Variants in SLC35F3 observed in about 807,000 individuals in gnomAD.
SLC35F3 encodes solute carrier family 35 member F3, also known as putative thiamine transporter SLC35F3.
SLC35F3 carries 25 observed loss-of-function variants against 49.9 expected under a neutral mutation model. That is an observed-to-expected ratio of 0.50 (90% CI 0.37 to 0.70). The LOEUF (loss-of-function observed/expected upper bound fraction) is 0.70, where lower values mean the gene tolerates loss of function less well. Ranked by LOEUF, SLC35F3 falls within the 30% of genes least tolerant of loss-of-function variation. The pLI is 0.00. For missense variants in SLC35F3, 525 were observed against 639.8 expected (o/e 0.82, Z 1.94); for synonymous variants, 275 against 265.4 (o/e 1.04, Z -0.35).
chr1:234,050,819 G>T (rs1331973627), intron 2 of SLC35F3, among the ~76,000 whole-genome samples: 1 of 152,184 alleles, frequency 6.6e-6, no homozygotes, highest in Non-Finnish European at 1.5e-5. Flanking sequence ...TTTGGATAAG[G>T]TGTAAGGAAG....
At chr1:234,087,103 C>A (rs1664972959) in intron 2 of SLC35F3, among the ~76,000 whole-genome samples, 1 of 152,222 alleles carries the variant, frequency 6.6e-6, no homozygotes, top group Non-Finnish European at 1.5e-5. Context: ...AGTGTCTCTC[C>A]TTTTCTGCCT....
At chr1:234,003,151 A>G (rs1040833341) in intron 2 of SLC35F3, among the ~76,000 whole-genome samples, 4 of 147,992 alleles carry the variant, frequency 2.7e-5, no homozygotes, top group African/African-American at 9.8e-5. Flanking sequence ...GTTGGAAACC[A>G]AGATCTGTGT....
intron 2 of SLC35F3, among the ~76,000 whole-genome samples, chr1:234,035,390 T>A (rs937658163): frequency 2.0e-5 from 3 of 150,346 alleles, no homozygotes; most frequent in Non-Finnish European, 4.4e-5. Flanking sequence ...AATATACCTT[T>A]AAAAAAAAAA....
chr1:234,161,674 C>T (rs1469827354), intron 2 of SLC35F3, among the ~76,000 whole-genome samples: 4 of 152,090 alleles, frequency 2.6e-5, no homozygotes, highest in African/African-American at 9.7e-5. Flanking sequence ...GGTGTGGTGG[C>T]ATGCACCTGT....
At chr1:234,054,777 T>C (rs1272107057) in intron 2 of SLC35F3, among the ~76,000 whole-genome samples, 1 of 152,236 alleles carries the variant, frequency 6.6e-6, no homozygotes, top group Non-Finnish European at 1.5e-5. Context: ...TTTGTGGTTT[T>C]ATGTACCTTT....
intron 2 of SLC35F3, among the ~76,000 whole-genome samples, chr1:234,141,316 G>A (rs1003349136): frequency 6.6e-6 from 1 of 152,130 alleles, no homozygotes; most frequent in South Asian, 2.1e-4. Context: ...GGTGCATGTG[G>A]AGACCCGGGC....
chr1:234,257,638 G>A (rs1283770045), intron 3 of SLC35F3, among the ~76,000 whole-genome samples: 1 of 152,174 alleles, frequency 6.6e-6, no homozygotes, highest in Non-Finnish European at 1.5e-5. Flanking sequence ...TTATGTTAGG[G>A]TGAATTTTGC....
chr1:234,260,802 G>A (rs946839084), intron 3 of SLC35F3, among the ~76,000 whole-genome samples: 2 of 152,082 alleles, frequency 1.3e-5, no homozygotes, highest in Admixed American at 6.5e-5. Flanking sequence ...AGTGCCTCAC[G>A]TCTCCCTCCA....
intron 2 of SLC35F3, among the ~76,000 whole-genome samples, chr1:233,946,254 G>A (rs1662511855): frequency 6.6e-6 from 1 of 152,190 alleles, no homozygotes; most frequent in African/African-American, 2.4e-5. Flanking sequence ...AGCATCTACT[G>A]AAGCAAAGAT....
intron 2 of SLC35F3, among the ~76,000 whole-genome samples, chr1:234,055,255 A>G (rs1053423337): frequency 1.6e-4 from 25 of 152,110 alleles, no homozygotes; most frequent in Non-Finnish European, 3.2e-4. Context: ...TACAGAGTCT[A>G]TAGAGTCTAC....
intron 2 of SLC35F3, among the ~76,000 whole-genome samples, chr1:234,054,747 T>C (rs1430118263): frequency 6.6e-6 from 1 of 152,254 alleles, no homozygotes; most frequent in Non-Finnish European, 1.5e-5. Flanking sequence ...TCAGCTTTTC[T>C]GCTCTGGTTT....
intron 2 of SLC35F3, among the ~76,000 whole-genome samples, chr1:234,087,474 C>A (rs954770361): frequency 6.6e-6 from 1 of 152,166 alleles, no homozygotes; most frequent in Non-Finnish European, 1.5e-5. Flanking sequence ...TTCTGCCTAA[C>A]GACACCCAAT....
intron 2 of SLC35F3, among the ~76,000 whole-genome samples, chr1:233,938,474 G>A (rs1662368392): frequency 6.6e-6 from 1 of 152,192 alleles, no homozygotes. Context: ...GTACACAGTG[G>A]AAATTTCCCT....
intron 2 of SLC35F3, among the ~76,000 whole-genome samples, chr1:233,926,312 C>A (rs566175124): frequency 1.6e-4 from 24 of 152,266 alleles, no homozygotes; most frequent in African/African-American, 5.3e-4. Context: ...TCTCATATTT[C>A]TTGGCGGCTT....
At chr1:233,931,895 A>C (rs1175341598) in intron 2 of SLC35F3, among the ~76,000 whole-genome samples, 1 of 152,206 alleles carries the variant, frequency 6.6e-6, no homozygotes, top group African/African-American at 2.4e-5. Context: ...AACCAACCCA[A>C]ATGTCCATCA....
intron 2 of SLC35F3, among the ~76,000 whole-genome samples, chr1:233,988,580 C>T (rs1663303430): frequency 1.3e-5 from 2 of 152,120 alleles, no homozygotes; most frequent in South Asian, 2.1e-4. Context: ...GTCTTAATTC[C>T]CACCCTCCAC....
chr1:234,319,348 A>G (rs778921907), intron 6 of SLC35F3, among the ~76,000 whole-genome samples: 1 of 152,206 alleles, frequency 6.6e-6, no homozygotes, highest in Non-Finnish European at 1.5e-5. Context: ...ATTACTTGAT[A>G]TAAGTCTAGA....
intron 3 of SLC35F3, among the ~76,000 whole-genome samples, chr1:234,305,408 G>T: frequency 7.4e-6 from 1 of 135,296 alleles, no homozygotes. Flanking sequence ...TTTTGAGACA[G>T]AGTCTTGCTC....
intron 3 of SLC35F3, among the ~76,000 whole-genome samples, chr1:234,245,852 C>T (rs772081332): frequency 7.9e-5 from 12 of 152,330 alleles, no homozygotes; most frequent in Non-Finnish European, 1.8e-4. Flanking sequence ...CTCAGAGCCC[C>T]AGAGGGATCA....
Sources: allele counts gnomAD v4.1 joint callset (sites outside exome capture counted in the v4.1 genomes callset), GRCh38; gene constraint gnomAD v4.1.1; transcripts MANE v1.5; gene names NCBI Gene and HGNC (gene_info 2026-07-23, HGNC 2026-07-21).